BAZ2B: variants seen among roughly 807,000 people sequenced by gnomAD.
The protein encoded by BAZ2B is bromodomain adjacent to zinc finger domain 2B.
Under a neutral mutation model 246.0 loss-of-function variants are expected in BAZ2B, and 91 were observed. That is an observed-to-expected ratio of 0.37 (90% CI 0.31 to 0.44). The LOEUF (loss-of-function observed/expected upper bound fraction) is 0.44. Among genes scored for constraint, BAZ2B ranks in the 20% least tolerant of loss-of-function variants. The probability of loss-of-function intolerance (pLI) is 1.00; values close to 1 mark genes in which losing one functional copy is unlikely to be tolerated. For missense variants in BAZ2B, 2,332 were observed against 2,533.7 expected, an observed-to-expected ratio of 0.92 and a Z score of 1.71; for synonymous variants, 855 against 860.0, an observed-to-expected ratio of 0.99 and a Z score of 0.10.
chr2:159,442,559 T>C (rs1425025599), intron 6 of BAZ2B, among the ~76,000 whole-genome samples: 1 of 152,206 alleles, frequency 6.6e-6, no homozygotes, highest in Non-Finnish European at 1.5e-5. Context: ...TTAAAGTGTA[T>C]GGTTCAGTGA....
At chr2:159,453,115 A>T (rs1246266825) in intron 4 of BAZ2B, among the ~76,000 whole-genome samples, 1 of 151,652 alleles carries the variant, frequency 6.6e-6, no homozygotes, top group Non-Finnish European at 1.5e-5. Context: ...ACAAAACAAA[A>T]CAAACAAAAA....
intron 1 of BAZ2B, among the ~76,000 whole-genome samples, chr2:159,608,200 C>T (rs554155513): frequency 6.6e-6 from 1 of 152,138 alleles, no homozygotes; most frequent in Non-Finnish European, 1.5e-5. Flanking sequence ...CATGCTAAAA[C>T]CCCGTCTCTA....
chr2:159,404,178 A>G (rs2065538506), intron 16 of BAZ2B, among the ~76,000 whole-genome samples: 1 of 152,144 alleles, frequency 6.6e-6, no homozygotes, highest in Admixed American at 6.5e-5. Flanking sequence ...TGTTACCATG[A>G]ATATGAGGAG....
the BAZ2B span, chr2:159,695,506 G>A: frequency 6.6e-6 from 1 of 151,784 alleles, no homozygotes; most frequent in Non-Finnish European, 1.5e-5. Context: ...AAGTTGTATA[G>A]TTTTAGTACT....
intron 1 of BAZ2B, among the ~76,000 whole-genome samples, chr2:159,574,607 T>C (rs986878078): frequency 2.0e-5 from 3 of 152,204 alleles, no homozygotes; most frequent in African/African-American, 7.2e-5. Context: ...AGCAACATTA[T>C]TCATAATTAT....
At chr2:159,705,775 C>A in the BAZ2B span, among the ~76,000 whole-genome samples, 1 of 151,960 alleles carries the variant, frequency 6.6e-6, no homozygotes, top group Non-Finnish European at 1.5e-5. Context: ...ATTTTTTAAG[C>A]TAAACTGGAA....
At chr2:159,546,349 C>T (rs1227269848) in intron 2 of BAZ2B, among the ~76,000 whole-genome samples, 1 of 151,634 alleles carries the variant, frequency 6.6e-6, no homozygotes, top group Admixed American at 6.6e-5. Flanking sequence ...CTGCCTGCCA[C>T]CATCCATGTG....
chr2:159,512,524 A>G (rs1309791449), intron 2 of BAZ2B, among the ~76,000 whole-genome samples: 1 of 152,178 alleles, frequency 6.6e-6, no homozygotes, highest in East Asian at 1.9e-4. Flanking sequence ...CAAAAAAGGA[A>G]AAGAAATAAA....
chr2:159,671,033 T>C, the BAZ2B span, among the ~76,000 whole-genome samples: 2 of 152,270 alleles, frequency 1.3e-5, no homozygotes, highest in African/African-American at 2.4e-5. Flanking sequence ...AACTTTTCTC[T>C]GTCTGCTTTC....
At chr2:159,445,703 G>A (rs2150361011) in intron 6 of BAZ2B, among the ~76,000 whole-genome samples, 1 of 152,250 alleles carries the variant, frequency 6.6e-6, no homozygotes, top group African/African-American at 2.4e-5. Flanking sequence ...TATACTACTG[G>A]GTCTCCTGAC....
At position 159,346,521 on chromosome 2, in the gene BAZ2B, G is replaced by A. The variant is rs1033019065; in HGVS notation, c.5454+965C>T. 6.6e-5 allele frequency among the ~76,000 whole-genome samples: 10 copies of A among 152,004 alleles called. No homozygotes were observed. In the South Asian group the frequency reaches 1.0e-3, roughly 16 times the overall value. ...GGAGTTTGAGACCAGCCTGGCCAAC[G>A]TGGCAAAACCCCATCTCTACTAAAA... On this transcript the variant is annotated intron_variant, in intron 31 of 36. Coordinates refer to ENST00000392783, the MANE Select transcript of BAZ2B (RefSeq NM_013450.4).
Position 159,550,102 on chromosome 2 carries a change from A to G in BAZ2B, c.-3+5721T>C, listed in dbSNP as rs116328248. The stretch of plus-strand genomic sequence containing the variant: ...CTGATCCACCCACCTCAGCCTCCCA[A>G]AGTCCTGGGATTAAAAAAGGCGTGA... On this transcript the variant is annotated intron_variant, in intron 2 of 36. Coordinates refer to ENST00000392783, the MANE Select transcript of BAZ2B (RefSeq NM_013450.4). Among the ~76,000 whole-genome samples, 989 of 152,128 alleles carry G rather than the reference A, an allele frequency of 6.5e-3. 4 individuals are homozygous for G. Among genetic ancestry groups the G allele is most frequent in the Middle Eastern group, 0.024 (7 of 294 alleles).
chr2:159,604,071 A>C (rs560992764), intron 1 of BAZ2B, among the ~76,000 whole-genome samples: 1 of 31,808 alleles, frequency 3.1e-5, no homozygotes, highest in African/African-American at 7.8e-5. Context: ...GAAGAAATAC[A>C]TTTTTAATTT....
intron 2 of BAZ2B, among the ~76,000 whole-genome samples, chr2:159,497,642 T>C (rs974848689): frequency 1.3e-5 from 2 of 152,122 alleles, no homozygotes; most frequent in Non-Finnish European, 2.9e-5. Flanking sequence ...GTTGCTGAGA[T>C]TAAGAGATCC....
intron 1 of BAZ2B, among the ~76,000 whole-genome samples, chr2:159,610,764 T>C (rs958498846): frequency 2.6e-5 from 4 of 152,110 alleles, no homozygotes; most frequent in Non-Finnish European, 5.9e-5. Flanking sequence ...GCGTTATCTT[T>C]TAAAACAAAT....
chr2:159,633,563 AT>A, the BAZ2B span, among the ~76,000 whole-genome samples: 1 of 152,086 alleles, frequency 6.6e-6, no homozygotes, highest in Non-Finnish European at 1.5e-5. Flanking sequence ...ACCACATGCC[AT>A]TTGGGAAAGC....
chr2:159,357,807 T>C (rs2059271000), intron 27 of BAZ2B, among the ~76,000 whole-genome samples: 1 of 152,144 alleles, frequency 6.6e-6, no homozygotes, highest in Non-Finnish European at 1.5e-5. Context: ...TTGGGGCCAA[T>C]ATTCAACATT....
the BAZ2B span, among the ~76,000 whole-genome samples, chr2:159,682,587 C>A: frequency 6.6e-6 from 1 of 152,150 alleles, no homozygotes; most frequent in African/African-American, 2.4e-5. Flanking sequence ...TGAAGTAAAT[C>A]TGGGGAGACA....
intron 13 of BAZ2B, among the ~76,000 whole-genome samples, chr2:159,420,715 A>G (rs2068598667): frequency 6.6e-6 from 1 of 152,214 alleles, no homozygotes; most frequent in Non-Finnish European, 1.5e-5. Context: ...CCTTAGTGTT[A>G]TATTTAGGTA....
Sources: gnomAD v4.1 joint callset for allele counts (sites outside exome capture counted in the v4.1 genomes callset) on GRCh38, gnomAD v4.1.1 for gene constraint, MANE v1.5 for transcripts, NCBI Gene and HGNC (gene_info 2026-07-23, HGNC 2026-07-21) for gene names.